KCNC4: variants seen among roughly 807,000 people sequenced by gnomAD.
The protein encoded by KCNC4 is voltage-gated potassium channel KCNC4.
A neutral mutation model predicts 42.8 loss-of-function variants in KCNC4; 23 were observed. The observed-to-expected ratio is 0.54, with a 90% CI of 0.39 to 0.76. The LOEUF (loss-of-function observed/expected upper bound fraction) is 0.76. Among genes scored for constraint, KCNC4 ranks in the 30% least tolerant of loss-of-function variants. KCNC4 has a pLI of 0.00. For synonymous variants in KCNC4, 422 were observed against 393.5 expected, an observed-to-expected ratio of 1.07 and a Z score of -0.86; for missense variants, 751 against 898.2, an observed-to-expected ratio of 0.84 and a Z score of 2.10.
rs1183515475 is a variant in KCNC4 at position 110,233,197 on chromosome 1, A to G, written c.*225A>G. 4 of 605,666 alleles carry G rather than the reference A, an allele frequency of 6.6e-6. No individual in the cohort carries two copies. Among genetic ancestry groups the G allele is most frequent in the Non-Finnish European group, 1.2e-5 (4 of 342,430 alleles). The allele number at this position is 605,666 out of a possible 1,614,324, so 37.5% of individuals were successfully genotyped here. On this transcript the variant is annotated 3_prime_UTR_variant, in exon 4 of 4. Transcript: ENST00000438661. ...AGATATATATGCACATATAGTATCT[A>G]TATTCATACATATTATACTCTTGTG...
intron 1 of KCNC4, among the ~76,000 whole-genome samples, chr1:110,214,725 A>C (rs1657681583): frequency 6.6e-6 from 1 of 152,198 alleles, no homozygotes; most frequent in African/African-American, 2.4e-5. Flanking sequence ...CTTTCCACTG[A>C]ACTAGGCTGT....
At chr1:110,269,170 G>GT (rs1184718628) in intron 1 of KCNC4, among the ~76,000 whole-genome samples, 2 of 152,136 alleles carry the variant, frequency 1.3e-5, no homozygotes, top group East Asian at 3.9e-4. Context: ...CTGGTATTTT[G>GT]TTTTTTTCAT....
chr1:110,223,294 A>C lies in KCNC4; in HGVS notation c.1009A>C (p.Lys337Gln). ...LEVGLSGLSS[K>Q]AARDVLGFLR... ...GGTGGGGCTGAGCGGCCTGTCATCC[A>C]AGGCGGCCCGCGACGTGCTGGGCTT... The change falls in exon 2 of 4, where the codon AAG becomes CAG. Residue 337 changes from lysine (K) to glutamine (Q), a missense_variant. Lys to Gln is a moderately conservative substitution (Grantham distance 53, BLOSUM62 1). Around this residue, in one of 4 missense-constraint regions of KCNC4, gnomAD observed 185 missense variants for 293.7 expected, o/e 0.63. Transcript: ENST00000438661. This position sits in a 1 kb window ranked among gnomAD's most constrained non-coding sequence, Gnocchi z 7.5. The C allele has an allele frequency of 6.2e-7, 1 of 1,614,146 alleles. No homozygotes were observed. Among genetic ancestry groups the C allele is most frequent in the Non-Finnish European group, 8.5e-7 (1 of 1,180,018 alleles).
intron 1 of KCNC4, chr1:110,220,962 T>G (rs986781081): frequency 6.6e-6 from 1 of 152,252 alleles, no homozygotes; most frequent in South Asian, 2.1e-4. Context: ...TTATTACACA[T>G]GCATTTCATC....
chr1:110,261,308 T>C (rs1477028012), intron 1 of KCNC4, among the ~76,000 whole-genome samples: 1 of 152,140 alleles, frequency 6.6e-6, no homozygotes, highest in Non-Finnish European at 1.5e-5. Flanking sequence ...TGAAAAACAA[T>C]ATGGCAATAA....
chr1:110,212,246 G>C (rs2100979452), intron 1 of KCNC4, 69 bp downstream of exon 1: 2 of 1,350,154 alleles, frequency 1.5e-6, no homozygotes, highest in Non-Finnish European at 1.9e-6. Flanking sequence ...GGTGGGTAGG[G>C]GCCGGGAGGA....
intron 1 of KCNC4, among the ~76,000 whole-genome samples, chr1:110,216,426 C>G (rs1377127946): frequency 2.0e-5 from 3 of 152,188 alleles, no homozygotes; most frequent in African/African-American, 4.8e-5. Flanking sequence ...TCCCTGCAGG[C>G]CCTGCCCGCA....
Position 110,223,258 on chromosome 1 carries a change from T to C in KCNC4, c.973T>C (p.Phe325Leu), listed in dbSNP as rs752808701. The change falls in exon 2 of 4, where the codon TTC becomes CTC. Residue 325 changes from phenylalanine (F) to leucine (L), a missense_variant. Around this residue, in one of 4 missense-constraint regions of KCNC4, gnomAD observed 185 missense variants for 293.7 expected, o/e 0.63. Transcript: ENST00000438661. The surrounding 1 kb of genome is among the most constrained non-coding windows in gnomAD (Gnocchi z 7.5). ...NIIDFVAILP[F>L]YLEVGLSGLS... is the part of the protein sequence containing the mutation. ...CATCGACTTTGTGGCCATCCTGCCC[T>C]TCTACCTGGAGGTGGGGCTGAGCGG... The C allele has an allele frequency of 6.2e-7, 1 of 1,614,236 alleles. No homozygotes were observed. Among genetic ancestry groups the C allele is most frequent in the Non-Finnish European group, 8.5e-7 (1 of 1,180,036 alleles).
intron 2 of KCNC4, 139 bp downstream of exon 2, chr1:110,224,039 A>G: frequency 1.4e-6 from 1 of 724,436 alleles, no homozygotes; most frequent in South Asian, 2.0e-5. Flanking sequence ...TTATGAGGGC[A>G]AAGTGTTGAG....
chr1:110,223,562 G>C lies in KCNC4; in HGVS notation c.1277G>C (p.Gly426Ala). Residue 426 changes from glycine (G) to alanine (A), a missense_variant, in exon 2 of 4, where the codon GGC becomes GCC. Gly to Ala is a moderately conservative substitution (Grantham distance 60, BLOSUM62 0). Around this residue, in one of 4 missense-constraint regions of KCNC4, gnomAD observed 185 missense variants for 293.7 expected, o/e 0.63. Coordinates refer to ENST00000438661, the MANE Select transcript of KCNC4 (RefSeq NM_001039574.3). This position sits in a 1 kb window ranked among gnomAD's most constrained non-coding sequence, Gnocchi z 7.5. ...DHTDFKNIPI[G>A]FWWAVVTMTT... ...ACCGACTTCAAGAACATCCCCATTG[G>C]CTTCTGGTGGGCTGTGGTCACCATG... 1.2e-6 allele frequency: 2 copies of C among 1,614,032 alleles called. No individual in the cohort carries two copies. The highest frequency in any genetic ancestry group is 1.7e-6 in the Non-Finnish European group (2 of 1,180,048).
intron 1 of KCNC4, among the ~76,000 whole-genome samples, chr1:110,271,308 A>T (rs1013372633): frequency 6.6e-6 from 1 of 152,094 alleles, no homozygotes; most frequent in Admixed American, 6.5e-5. Context: ...AAGATCATCT[A>T]CTCCAAATTC....
At chr1:110,267,759 C>T (rs1659566759) in intron 1 of KCNC4, among the ~76,000 whole-genome samples, 1 of 152,188 alleles carries the variant, frequency 6.6e-6, no homozygotes, top group South Asian at 2.1e-4. Context: ...ATGACAGACT[C>T]CATCTTGCTT....
At chr1:110,219,690 C>T (rs1049769211) in intron 1 of KCNC4, 1 of 152,166 alleles carries the variant, frequency 6.6e-6, no homozygotes, top group African/African-American at 2.4e-5. Context: ...CCTTGGCCCC[C>T]TTTAGTGCTA....
rs1402956007 is a variant in KCNC4, at chr1:110,211,268, C to T, written c.-232C>T. The T allele has an allele frequency of 1.7e-6, 1 of 581,934 alleles. No homozygotes were observed. The highest frequency in any genetic ancestry group is 1.9e-5 in the African/African-American group (1 of 53,050). The allele number at this position is 581,934 out of a possible 1,614,324, so 36.0% of individuals were successfully genotyped here. On this transcript the variant is annotated 5_prime_UTR_variant, in exon 1 of 4. Transcript: ENST00000438661. This position sits in a 1 kb window ranked among gnomAD's most constrained non-coding sequence, Gnocchi z 6.5. ...GGGTCCTCCCTCTCTGCGCCTCCCTCTCTCCGGAGCTTCCTGCCCTAACCC... is the reference window on the plus strand; with the variant it reads ...GGGTCCTCCCTCTCTGCGCCTCCCTTTCTCCGGAGCTTCCTGCCCTAACCC...
At chr1:110,251,730 A>G (rs1659253279), downstream of KCNC4, among the ~76,000 whole-genome samples, 1 of 152,258 alleles carries the variant, frequency 6.6e-6, no homozygotes, top group African/African-American at 2.4e-5. Flanking sequence ...TGACAACATT[A>G]ACTCGAATGG....
rs1183596581 is a variant in KCNC4 at position 110,213,380 on chromosome 1, A to C, written c.678+1203A>C. ...ACCTGGTTGGTTCCTCCAGCATCCCAAATTGTCATGTTAATGAGTCTCAGA... is the reference window on the plus strand; with the variant it reads ...ACCTGGTTGGTTCCTCCAGCATCCCCAATTGTCATGTTAATGAGTCTCAGA... On this transcript the variant is annotated intron_variant, in intron 1 of 3. Transcript: ENST00000438661. 2.0e-5 allele frequency among the ~76,000 whole-genome samples: 3 copies of C among 152,076 alleles called. No homozygotes were observed. The East Asian group carries it at 5.8e-4, about 29-fold the overall frequency.
rs557082606 is a variant in KCNC4, at chr1:110,225,070, A to G, written c.1616-905A>G. The G allele has an allele frequency of 9.2e-5, 14 of 152,282 alleles. No homozygotes were observed. The East Asian group carries it at 2.7e-3, about 29-fold the overall frequency. The allele number at this position is 152,282 out of a possible 1,614,324, so 9.4% of individuals were successfully genotyped here. ...CCCCACCAAAGTGGCACTGCTTCCTAATTTGTGAATATTAATTTCCCGGGG... is the reference window on the plus strand; with the variant it reads ...CCCCACCAAAGTGGCACTGCTTCCTGATTTGTGAATATTAATTTCCCGGGG... On this transcript the variant is annotated intron_variant, in intron 2 of 3. Transcript: ENST00000438661.
chr1:110,254,665 T>TG (rs933161832), intron 1 of KCNC4, among the ~76,000 whole-genome samples: 1 of 152,164 alleles, frequency 6.6e-6, no homozygotes, highest in Admixed American at 6.5e-5. Context: ...GGAGATGAGT[T>TG]GGGGGGAGGA....
chr1:110,281,244 T>G (rs1659817216), intron 1 of KCNC4, among the ~76,000 whole-genome samples: 1 of 152,050 alleles, frequency 6.6e-6, no homozygotes, highest in Non-Finnish European at 1.5e-5. Flanking sequence ...TGTGGGTTTC[T>G]CCTCCCAGAC....
Sources: allele counts gnomAD v4.1 joint callset (sites outside exome capture counted in the v4.1 genomes callset), GRCh38; gene constraint gnomAD v4.1.1; regional missense constraint gnomAD v4.1.1; non-coding constraint Gnocchi (gnomAD v3.1); transcripts MANE v1.5; gene names NCBI Gene and HGNC (gene_info 2026-07-23, HGNC 2026-07-21).